The following MFF variants were observed in gnomAD, a reference collection of about 807,000 sequenced individuals.
The protein encoded by MFF is chromosome 2 open reading frame 33.
MFF carries 12 observed loss-of-function variants against 36.9 expected under a neutral mutation model. The observed-to-expected ratio is 0.33, with a 90% CI of 0.21 to 0.53. MFF has a LOEUF of 0.53. Ranked by LOEUF, MFF falls within the 20% of genes least tolerant of loss-of-function variation. The pLI is 0.95. For synonymous variants in MFF, 99 were observed against 126.2 expected (o/e 0.78, Z 1.44); for missense variants, 348 against 366.6 (o/e 0.95, Z 0.42).
intron 4 of MFF, among the ~76,000 whole-genome samples, chr2:227,334,653 T>C (rs1283573938): frequency 6.6e-6 from 1 of 152,204 alleles, no homozygotes; most frequent in Non-Finnish European, 1.5e-5. Flanking sequence ...CATTTTGGAC[T>C]GGAAAATTCC....
chr2:227,352,503 A>G lies in MFF; in HGVS notation c.600-11A>G. 6.2e-7 allele frequency: 1 copy of G among 1,613,266 alleles called. No individual in the cohort carries two copies. Among genetic ancestry groups the G allele is most frequent in the South Asian group, 1.1e-5 (1 of 91,042 alleles). ...CTGTCTTGTGCCTTCTCCCGCAAAA[A>G]CCTGCCTTAGACCTGTGTTGCGTGG... On this transcript the variant is annotated splice_polypyrimidine_tract_variant and intron_variant, in intron 6 of 8. Coordinates refer to ENST00000304593, the MANE Select transcript of MFF (RefSeq NM_001277062.2).
intron 2 of MFF, 23 bp from the exon 3 acceptor site, chr2:227,330,603 G>T (rs1416122154): frequency 2.2e-5 from 30 of 1,375,710 alleles, no homozygotes; most frequent in Non-Finnish European, 2.9e-5. Context: ...AGTCAGCCCT[G>T]TCTTTAAATT....
At chr2:227,344,924 T>A (rs1339225595) in intron 5 of MFF, among the ~76,000 whole-genome samples, 3 of 152,196 alleles carry the variant, frequency 2.0e-5, no homozygotes, top group Non-Finnish European at 4.4e-5. Flanking sequence ...TAATTTCATC[T>A]TTTATCTTTC....
At chr2:227,329,512 CAA>C (rs755095801) in intron 2 of MFF, 10 of 382,270 alleles carry the variant, frequency 2.6e-5, no homozygotes, top group Non-Finnish European at 4.6e-5. Context: ...TGTTCAAATC[CAA>C]AAGTCATTTT....
rs747635439 is a variant in MFF at position 227,355,801 on chromosome 2, T to C, written c.744+40T>C. The C allele has an allele frequency of 8.8e-6, 11 of 1,252,582 alleles. No individual in the cohort carries two copies. In the Admixed American group the frequency reaches 1.4e-4, roughly 16 times the overall value. 77.6% of individuals were successfully genotyped at this position (1,252,582 alleles called of 1,614,324 possible). On this transcript the variant is annotated intron_variant, in intron 8 of 8. Coordinates refer to ENST00000304593, the MANE Select transcript of MFF (RefSeq NM_001277062.2). ...AAATAAGATATATTTCTCAGTTATA[T>C]TCATACAATATTTTAAAGTGATAGT...
At chr2:227,334,202 T>C (rs111300315) in intron 4 of MFF, among the ~76,000 whole-genome samples, 4,812 of 152,236 alleles carry the variant, frequency 0.032, 140 homozygotes, top group Admixed American at 0.044. Flanking sequence ...TTAAATGTAA[T>C]CATGCATGTT....
At chr2:227,344,352 T>A (rs1221214260) in intron 5 of MFF, among the ~76,000 whole-genome samples, 1 of 152,210 alleles carries the variant, frequency 6.6e-6, no homozygotes, top group East Asian at 1.9e-4. Context: ...CTTTTTTATT[T>A]TCCACAATAG....
chr2:227,332,372 A>G (rs1466002922), intron 3 of MFF, 47 bp from the exon 4 acceptor site: 1 of 1,485,218 alleles, frequency 6.7e-7, no homozygotes, highest in Non-Finnish European at 9.2e-7. Context: ...CTTTTTAAAA[A>G]ACCTCCCGCT....
At chr2:227,347,115 G>A in intron 5 of MFF, 111 bp from the exon 6 acceptor site, 2 of 850,492 alleles carry the variant, frequency 2.4e-6, no homozygotes, top group East Asian at 2.5e-5. Context: ...AGTGAAGGGT[G>A]GGAAAGGGGC....
Position 227,347,252 on chromosome 2 carries a change from G to A in MFF, c.467G>A (p.Arg156Gln), listed in dbSNP as rs771739880. 1.1e-5 allele frequency: 18 copies of A among 1,613,522 alleles called. No homozygotes were observed. Among genetic ancestry groups the A allele is most frequent in the South Asian group, 1.1e-4 (10 of 91,064 alleles). Reference protein sequence around the residue: ...SLVTPSPQQARVCPPHMLPED... With the variant: ...SLVTPSPQQAQVCPPHMLPED... ...GTGACACCATCGCCACAACAGGCTC[G>A]GGTCTGTCCTCCCCATATGTTACCT... is the stretch of plus-strand genomic sequence containing the variant. The change falls in exon 6 of 9, where the codon CGG (arginine) becomes CAG (glutamine). Residue 156 changes from arginine (R) to glutamine (Q), a missense_variant. Coordinates refer to ENST00000304593, the MANE Select transcript of MFF (RefSeq NM_001277062.2).
chr2:227,347,457 T>C (rs1419637180), intron 6 of MFF, 73 bp downstream of exon 6: 17 of 1,261,690 alleles, frequency 1.3e-5, no homozygotes, highest in Non-Finnish European at 1.8e-5. Flanking sequence ...GACTGTGGTG[T>C]CTTTCTTTTC....
At chr2:227,337,596 A>G (rs1333155434) in intron 4 of MFF, among the ~76,000 whole-genome samples, 1 of 152,210 alleles carries the variant, frequency 6.6e-6, no homozygotes, top group Non-Finnish European at 1.5e-5. Context: ...GCAAGCATGC[A>G]AAGTGTCTAG....
Position 227,332,437 on chromosome 2 carries a change from C to T in MFF, c.200C>T (p.Ser67Leu), listed in dbSNP as rs763723091. 5 of 1,605,840 alleles carry T rather than the reference C, an allele frequency of 3.1e-6. No homozygotes were observed. The South Asian group carries it at 5.6e-5, about 18-fold the overall frequency. Residue 67 changes from serine (S) to leucine (L), a missense_variant, in exon 4 of 9, where the codon TCA becomes TTA. By Grantham distance (145) the Ser-to-Leu change is moderately radical. Coordinates refer to ENST00000304593, the MANE Select transcript of MFF (RefSeq NM_001277062.2). ...CTCCTAGGAAATAATGAAGATGTTTCATTTTCAAGACCAGCAGATCTTGAC... is the reference window on the plus strand; with the variant it reads ...CTCCTAGGAAATAATGAAGATGTTTTATTTTCAAGACCAGCAGATCTTGAC... ...IVVAGNNEDV[S>L]FSRPADLDLI...
At chr2:227,347,159 C>G (rs971824693) in intron 5 of MFF, 67 bp from the exon 6 acceptor site, 3 of 1,419,550 alleles carry the variant, frequency 2.1e-6, no homozygotes, top group African/African-American at 1.4e-5. Context: ...AAAGACTGCT[C>G]AGCTGAAGTT....
At chr2:227,332,668 A>G (rs921080341) in intron 4 of MFF, 80 bp downstream of exon 4, 3 of 1,009,578 alleles carry the variant, frequency 3.0e-6, no homozygotes, top group Admixed American at 2.6e-5. Context: ...GCTTTATCAT[A>G]TCTTTAGCAA....
intron 5 of MFF, among the ~76,000 whole-genome samples, chr2:227,343,439 G>T (rs2075525966): frequency 6.6e-6 from 1 of 152,090 alleles, no homozygotes; most frequent in Admixed American, 6.6e-5. Context: ...AAACTGCACC[G>T]AAAGCCAACA....
In MFF at chr2:227,325,290, CCCTCTGCGGG is replaced by C. The variant is rs1246393711; in HGVS notation, c.-287_-278del. ...CGCGCCTTTCGCGCTTCTGCCCTGG[CCCTCTGCGGG>C]CCGCTCCGCCGGTGCTGTCCCTGGG... On this transcript the variant is annotated 5_prime_UTR_variant, in exon 1 of 9. Transcript: ENST00000304593. The C allele has an allele frequency of 1.9e-5, 3 of 154,870 alleles. No individual in the cohort carries two copies. Among genetic ancestry groups the C allele is most frequent in the African/African-American group, 7.2e-5 (3 of 41,668 alleles). The allele number at this position is 154,870 out of a possible 1,614,324, so 9.6% of individuals were successfully genotyped here.
intron 4 of MFF, among the ~76,000 whole-genome samples, chr2:227,337,589 A>G (rs10933178): frequency 1 from 152,278 of 152,318 alleles, 76,119 homozygotes; most frequent in Non-Finnish European, 1. Flanking sequence ...ATTGTATGCA[A>G]GCATGCAAAG....
chr2:227,330,463 A>T, intron 2 of MFF, 163 bp from the exon 3 acceptor site: 1 of 591,482 alleles, frequency 1.7e-6, no homozygotes, highest in Non-Finnish European at 3.0e-6. Flanking sequence ...TTGTTGAGGA[A>T]GACATTTTCT....
Sources: allele counts gnomAD v4.1 joint callset (sites outside exome capture counted in the v4.1 genomes callset), GRCh38; gene constraint gnomAD v4.1.1; transcripts MANE v1.5; gene names NCBI Gene and HGNC (gene_info 2026-07-23, HGNC 2026-07-21).